NAV1: variants seen among roughly 807,000 people sequenced by gnomAD.
The protein encoded by NAV1 is neuron navigator 1, also known as pore membrane and/or filament interacting like protein 3.
In NAV1, 18 loss-of-function variants were observed where a neutral mutation model predicts 175.2. The observed-to-expected ratio is 0.10, with a 90% CI of 0.07 to 0.15. NAV1 has a LOEUF of 0.15. Ranked by LOEUF, NAV1 falls within the 10% of genes least tolerant of loss-of-function variation. NAV1 has a pLI of 1.00. For missense variants in NAV1, 1,731 were observed against 2,436.6 expected (o/e 0.71, Z 6.10); for synonymous variants, 897 against 978.7 (o/e 0.92, Z 1.56).
chr1:201,654,750 A>C (rs962336636), intron 1 of NAV1, among the ~76,000 whole-genome samples: 1 of 152,156 alleles, frequency 6.6e-6, no homozygotes, highest in Non-Finnish European at 1.5e-5. Context: ...GAAATTGTCT[A>C]GTTGAGCCAC....
At chr1:201,646,767 A>T (rs1187270076), upstream of NAV1, among the ~76,000 whole-genome samples, 1 of 152,158 alleles carries the variant, frequency 6.6e-6, no homozygotes, top group Admixed American at 6.5e-5. Context: ...AGGCCTCCAA[A>T]TCCATTTAAC....
intron 1 of NAV1, among the ~76,000 whole-genome samples, chr1:201,691,315 A>C (rs1227394847): frequency 2.0e-5 from 3 of 152,236 alleles, no homozygotes; most frequent in Admixed American, 6.5e-5. Context: ...GCTGAGCCTC[A>C]GCGGAAGGTG....
chr1:201,557,240 T>C (rs1233722266), intron 1 of NAV1, among the ~76,000 whole-genome samples: 7 of 152,150 alleles, frequency 4.6e-5, no homozygotes, highest in Non-Finnish European at 1.0e-4. Flanking sequence ...CCCTCTGAGG[T>C]GCCTGGGTGA....
At position 201,810,880 on chromosome 1, in the gene NAV1, T is replaced by A; in HGVS notation, c.4797+122T>A. 4.3e-6 allele frequency: 3 copies of A among 696,690 alleles called. No individual in the cohort carries two copies. The Middle Eastern group carries it at 9.5e-4, about 220-fold the overall frequency. The allele number at this position is 696,690 out of a possible 1,614,324, so 43.2% of individuals were successfully genotyped here. ...CTCACCTCTGCCTTCATCTTTCTTC[T>A]CTTCTGTGTTCATTTCCTTCCCTCT... On this transcript the variant is annotated intron_variant, in intron 24 of 29. Coordinates refer to ENST00000367296, the Ensembl canonical transcript of NAV1. The surrounding 1 kb of genome is among the most constrained non-coding windows in gnomAD (Gnocchi z 6.0).
intron 1 of NAV1, among the ~76,000 whole-genome samples, chr1:201,582,582 C>A (rs1305662058): frequency 3.3e-5 from 5 of 152,210 alleles, no homozygotes; most frequent in African/African-American, 4.8e-5. Flanking sequence ...CCAGCTCCCC[C>A]ACACAGAGAA....
intron 15 of NAV1, among the ~76,000 whole-genome samples, chr1:201,803,328 C>A (rs1453460851): frequency 8.5e-5 from 13 of 152,202 alleles, no homozygotes; most frequent in Admixed American, 8.5e-4. Context: ...CTGATTCAAG[C>A]TGAGTCCATG....
chr1:201,550,454 G>C (rs1327938096), intron 1 of NAV1, among the ~76,000 whole-genome samples: 1 of 152,208 alleles, frequency 6.6e-6, no homozygotes, highest in Non-Finnish European at 1.5e-5. Flanking sequence ...TCACAAGGGT[G>C]AACCACCATC....
chr1:201,670,114 G>A (rs775443332), intron 1 of NAV1, among the ~76,000 whole-genome samples: 6 of 151,664 alleles, frequency 4.0e-5, no homozygotes, highest in Non-Finnish European at 8.8e-5. Flanking sequence ...AGCTCGGGCC[G>A]GGTGCGGTGG....
At chr1:201,710,191 C>T (rs116821416) in intron 1 of NAV1, among the ~76,000 whole-genome samples, 3,236 of 149,912 alleles carry the variant, frequency 0.022, 123 homozygotes, top group African/African-American at 0.076. Flanking sequence ...ATTTTCCTAA[C>T]GTGACATGTA....
chr1:201,785,379 C>G (rs772186194), intron 8 of NAV1, 28 bp downstream of exon 12: 5 of 1,607,330 alleles, frequency 3.1e-6, no homozygotes, highest in Non-Finnish European at 4.3e-6. Context: ...TTTTTCTTCC[C>G]TATAAATGGG....
At position 201,740,090 on chromosome 1, in the gene NAV1, C is replaced by T. The variant is rs1294721029; in HGVS notation, c.1226+21335C>T. 4.2e-6 allele frequency: 6 copies of T among 1,434,892 alleles called. No individual in the cohort carries two copies. The highest frequency in any genetic ancestry group is 5.9e-5 in the Admixed American group (2 of 33,824). 88.9% of individuals were successfully genotyped at this position (1,434,892 alleles called of 1,614,324 possible). A position where few individuals can be genotyped will look rare whatever the true frequency, so the allele number is the denominator to read the frequency against. ...TTTCCCCCGCAGGTAAGCGCCCCCA[C>T]CCCCCTGGCCTCACCGCCAGACCGC... On this transcript the variant is annotated intron_variant, in intron 3 of 29. Coordinates refer to ENST00000367296, the Ensembl canonical transcript of NAV1. This position sits in a 1 kb window ranked among gnomAD's most constrained non-coding sequence, Gnocchi z 4.7.
chr1:201,817,564 G>C (rs907548058), intron 29 of NAV1, among the ~76,000 whole-genome samples: 6 of 152,316 alleles, frequency 3.9e-5, no homozygotes, highest in East Asian at 3.9e-4. Flanking sequence ...CCAGGACCAG[G>C]CTAAGGCCAG....
At chr1:201,593,690 G>A (rs1667273215) in intron 2 of NAV1, among the ~76,000 whole-genome samples, 2 of 152,152 alleles carry the variant, frequency 1.3e-5, no homozygotes, top group African/African-American at 4.8e-5. Flanking sequence ...ATTGTCATGG[G>A]GGAAGGGAAG....
chr1:201,641,762 C>G (rs1668758390), intron 2 of NAV1, among the ~76,000 whole-genome samples: 1 of 152,158 alleles, frequency 6.6e-6, no homozygotes, highest in Non-Finnish European at 1.5e-5. Flanking sequence ...GGCTGGGTTC[C>G]CAGCCCTTGC....
At position 201,807,346 on chromosome 1, in the gene NAV1, G is replaced by T. The variant is rs946526310; in HGVS notation, c.3649-607G>T. Among the ~76,000 whole-genome samples, 2 of 152,144 alleles carry T rather than the reference G, an allele frequency of 1.3e-5. No individual in the cohort carries two copies. The highest frequency in any genetic ancestry group is 4.8e-5 in the African/African-American group (2 of 41,422). Reference sequence around the variant, plus strand: ...AGAAGCTTGAGCCCACTGCCTTCTCGTGTTCTCCACAGAATCATATTGTCA... The same window carrying T: ...AGAAGCTTGAGCCCACTGCCTTCTCTTGTTCTCCACAGAATCATATTGTCA... On this transcript the variant is annotated intron_variant, in intron 17 of 29. Transcript: ENST00000367296. This position sits in a 1 kb window ranked among gnomAD's most constrained non-coding sequence, Gnocchi z 5.4.
chr1:201,569,183 C>T (rs1236201750), intron 1 of NAV1, among the ~76,000 whole-genome samples: 1 of 152,148 alleles, frequency 6.6e-6, no homozygotes, highest in Non-Finnish European at 1.5e-5. Context: ...GAAAAGCCAC[C>T]CCCCTCCAGA....
intron 2 of NAV1, among the ~76,000 whole-genome samples, chr1:201,614,779 G>T (rs1667955649): frequency 6.6e-6 from 1 of 152,150 alleles, no homozygotes; most frequent in African/African-American, 2.4e-5. Flanking sequence ...AGACTGTTTG[G>T]ATCTAATCTT....
At chr1:201,627,561 A>T (rs1668370123) in intron 1 of NAV1, among the ~76,000 whole-genome samples, 1 of 126,812 alleles carries the variant, frequency 7.9e-6, no homozygotes, top group African/African-American at 3.0e-5. Flanking sequence ...TATAGAAATG[A>T]GCCACTGCAC....
At chr1:201,774,171 A>G (rs77002279) in intron 3 of NAV1, among the ~76,000 whole-genome samples, 1,801 of 152,320 alleles carry the variant, frequency 0.012, 10 homozygotes, top group Middle Eastern at 0.041. Context: ...AAACAAATAT[A>G]AAGAGAAATG....
Sources: gnomAD v4.1 joint callset for allele counts (sites outside exome capture counted in the v4.1 genomes callset) on GRCh38, gnomAD v4.1.1 for gene constraint, Gnocchi (gnomAD v3.1) non-coding constraint, MANE v1.5 for transcripts, NCBI Gene and HGNC (gene_info 2026-07-23, HGNC 2026-07-21) for gene names.